Variants in TOR1B observed in about 807,000 individuals in gnomAD.
TOR1B encodes the protein torsin-1B.
TOR1B carries 14 observed loss-of-function variants against 29.2 expected under a neutral mutation model. That is an observed-to-expected ratio of 0.48 (90% confidence interval 0.32 to 0.75). The LOEUF (loss-of-function observed/expected upper bound fraction) is 0.75. TOR1B is among the 30% of genes least tolerant of loss of function. TOR1B has a pLI of 0.04. For synonymous variants in TOR1B, 166 were observed against 179.8 expected, an observed-to-expected ratio of 0.92 and a Z score of 0.62; for missense variants, 400 against 433.9, an observed-to-expected ratio of 0.92 and a Z score of 0.69.
intron 2 of TOR1B, among the ~76,000 whole-genome samples, chr9:129,805,826 C>G (rs1282434814): frequency 1.3e-5 from 2 of 152,188 alleles, no homozygotes; most frequent in Non-Finnish European, 2.9e-5. Context: ...GAGACTGTTT[C>G]TCCTTTTGAG....
At chr9:129,803,578 G>A in intron 1 of TOR1B, among the ~76,000 whole-genome samples, 167 bp downstream of exon 1, 1 of 152,206 alleles carries the variant, frequency 6.6e-6, no homozygotes, top group East Asian at 1.9e-4. Context: ...CCCCGGAACC[G>A]TTCGCGGGAA....
intron 3 of TOR1B, among the ~76,000 whole-genome samples, 181 bp downstream of exon 3, chr9:129,807,544 G>A (rs2030567870): frequency 6.6e-6 from 1 of 152,094 alleles, no homozygotes; most frequent in Admixed American, 6.5e-5. Context: ...TGTGGGTTGT[G>A]GAAATGAACT....
At position 129,803,189 on chromosome 9, in the gene TOR1B, C is replaced by A; in HGVS notation, c.-24C>A. The A allele has an allele frequency of 6.9e-7, 1 of 1,440,818 alleles. No homozygotes were observed. Among genetic ancestry groups the A allele is most frequent in the Non-Finnish European group, 9.1e-7 (1 of 1,102,318 alleles). 89.3% of individuals were successfully genotyped at this position (1,440,818 alleles called of 1,614,324 possible). ...GGCCGCGGGGCGCCTGGCTCAGTGG[C>A]TTCTGCGGGCTTCGAGGAGCGGGAT... is the stretch of plus-strand genomic sequence containing the variant. On this transcript the variant is annotated 5_prime_UTR_variant, in exon 1 of 5. Coordinates refer to ENST00000259339, the MANE Select transcript of TOR1B (RefSeq NM_014506.3).
rs974718185 is a variant in TOR1B at position 129,803,188 on chromosome 9, G to A, written c.-25G>A. On this transcript the variant is annotated 5_prime_UTR_variant, in exon 1 of 5. Transcript: ENST00000259339. ...TGGCCGCGGGGCGCCTGGCTCAGTG[G>A]CTTCTGCGGGCTTCGAGGAGCGGGA... 24 of 1,432,266 alleles carry A rather than the reference G, an allele frequency of 1.7e-5. No individual in the cohort carries two copies. In the African/African-American group the frequency reaches 3.1e-4, roughly 19 times the overall value. 88.7% of individuals were successfully genotyped at this position (1,432,266 alleles called of 1,614,324 possible).
At chr9:129,804,437 C>A in intron 2 of TOR1B, 99 bp downstream of exon 2, 1 of 1,476,046 alleles carries the variant, frequency 6.8e-7, no homozygotes, top group Non-Finnish European at 9.2e-7. Context: ...CTTTGTGTTG[C>A]TGTAGCCCCC....
chr9:129,805,031 G>T (rs1000868352), intron 2 of TOR1B, among the ~76,000 whole-genome samples: 15 of 151,720 alleles, frequency 9.9e-5, no homozygotes, highest in African/African-American at 3.6e-4. Context: ...CCAGCTACTC[G>T]GGAGGCTGAG....
Position 129,810,248 on chromosome 9 carries a change from C to G in TOR1B, c.*665C>G. ...ACAGAGTTCACTGACTTGAAGTATACTCAGTTAAAATCGGGGCTGGAGGTG... is the reference window on the plus strand; with the variant it reads ...ACAGAGTTCACTGACTTGAAGTATAGTCAGTTAAAATCGGGGCTGGAGGTG... On this transcript the variant is annotated 3_prime_UTR_variant, in exon 5 of 5. Coordinates refer to ENST00000259339, the MANE Select transcript of TOR1B (RefSeq NM_014506.3). The G allele has an allele frequency of 7.7e-7, 1 of 1,303,870 alleles. No individual in the cohort carries two copies. Among genetic ancestry groups the G allele is most frequent in the Non-Finnish European group, 1.0e-6 (1 of 988,920 alleles). The allele number at this position is 1,303,870 out of a possible 1,614,324, so 80.8% of individuals were successfully genotyped here. A position where few individuals can be genotyped will look rare whatever the true frequency, so the allele number is the denominator to read the frequency against.
intron 2 of TOR1B, among the ~76,000 whole-genome samples, chr9:129,804,996 G>A (rs1036551999): frequency 6.7e-6 from 1 of 149,434 alleles, no homozygotes; most frequent in African/African-American, 2.5e-5. Flanking sequence ...AAATTAGCCG[G>A]GGATGGTGGC....
At chr9:129,809,129 T>C in intron 4 of TOR1B, 97 bp downstream of exon 4, 1 of 1,528,366 alleles carries the variant, frequency 6.5e-7, no homozygotes, top group South Asian at 1.3e-5. Flanking sequence ...TCCCACTGGA[T>C]TTCCTCACTT....
chr9:129,803,274 TG>T lies in TOR1B; in HGVS notation c.64del (p.Val22TrpfsTer11). ...CTGGCGCTGCTGCTGGCGGCCCGAG[TG>T]GTGGCGGCGTTCGAGCCCATCACCG... is the stretch of plus-strand genomic sequence containing the variant. The part of the protein sequence containing the change: ...AALALLLAAR[V>X]VAAFEPITVG... On this transcript the variant is annotated frameshift_variant, in exon 1 of 5. Coordinates refer to ENST00000259339, the MANE Select transcript of TOR1B (RefSeq NM_014506.3). LOFTEE classifies it high-confidence loss of function. 6.4e-7 allele frequency: 1 copy of T among 1,566,230 alleles called. No individual in the cohort carries two copies. The highest frequency in any genetic ancestry group is 8.6e-7 in the Non-Finnish European group (1 of 1,161,564).
At chr9:129,805,271 A>T (rs1408736246) in intron 2 of TOR1B, among the ~76,000 whole-genome samples, 2 of 152,072 alleles carry the variant, frequency 1.3e-5, no homozygotes, top group African/African-American at 4.8e-5. Flanking sequence ...CCTGACCAAC[A>T]TGGAGAAACC....
At position 129,810,474 on chromosome 9, in the gene TOR1B, G is replaced by T. The variant is rs1208640361; in HGVS notation, c.*891G>T. On this transcript the variant is annotated 3_prime_UTR_variant, in exon 5 of 5. Transcript: ENST00000259339. ...GTGGAATCCTTCACCGTCTCAGCTGGTATCAGCCCCAGCCTGCCTTGTGCC... is the reference window on the plus strand; with the variant it reads ...GTGGAATCCTTCACCGTCTCAGCTGTTATCAGCCCCAGCCTGCCTTGTGCC... The T allele has an allele frequency of 6.1e-6, 7 of 1,150,772 alleles. No individual in the cohort carries two copies. The highest frequency in any genetic ancestry group is 7.7e-6 in the Non-Finnish European group (7 of 912,872). The allele number at this position is 1,150,772 out of a possible 1,614,324, so 71.3% of individuals were successfully genotyped here.
Position 129,809,526 on chromosome 9 carries a change from G to C in TOR1B, c.954G>C (p.Glu318Asp), listed in dbSNP as rs760301340. ...AAATGACGTTTTTCCCCAGAGACGAGAAAATCTACTCAGACAAGGGCTGCA... is the reference window on the plus strand; with the variant it reads ...AAATGACGTTTTTCCCCAGAGACGACAAAATCTACTCAGACAAGGGCTGCA... Reference protein sequence around the residue: ...AEEMTFFPRDEKIYSDKGCKT... With the variant: ...AEEMTFFPRDDKIYSDKGCKT... Residue 318 changes from glutamate to aspartate, a missense_variant, in exon 5 of 5, where the codon GAG (glutamate) becomes GAC (aspartate). By Grantham distance (45) the Glu-to-Asp change is conservative (BLOSUM62 2). Transcript: ENST00000259339. 1 of 1,614,176 alleles carries C rather than the reference G, an allele frequency of 6.2e-7. No homozygotes were observed. The highest frequency in any genetic ancestry group is 1.1e-5 in the South Asian group (1 of 91,082).
chr9:129,809,590 A>G lies in TOR1B; in HGVS notation c.*7A>G, dbSNP rs200753107. The G allele has an allele frequency of 2.4e-3, 3,801 of 1,614,146 alleles. 13 individuals are homozygous for G. Among genetic ancestry groups the G allele is most frequent in the Non-Finnish European group, 2.5e-3 (2,980 of 1,180,006 alleles). On this transcript the variant is annotated 3_prime_UTR_variant, in exon 5 of 5. Coordinates refer to ENST00000259339, the MANE Select transcript of TOR1B (RefSeq NM_014506.3). ...GCGGCTGGATTTCCACTGAGCTCCT[A>G]TCCAGATGGGGTAGGAGACAGCTGG...
At position 129,803,241 on chromosome 9, in the gene TOR1B, C is replaced by T; in HGVS notation, c.29C>T (p.Ala10Val). The T allele has an allele frequency of 1.3e-6, 2 of 1,541,398 alleles. No homozygotes were observed. Among genetic ancestry groups the T allele is most frequent in the Non-Finnish European group, 1.7e-6 (2 of 1,151,130 alleles). The change falls in exon 1 of 5, where the codon GCG becomes GTG. Residue 10 changes from alanine to valine, a missense_variant. Coordinates refer to ENST00000259339, the MANE Select transcript of TOR1B (RefSeq NM_014506.3). ...TTGCGGGCTGGGTGGCTCCGGGGCG[C>T]GGCGGCGCTGGCGCTGCTGCTGGCG... is the stretch of plus-strand genomic sequence containing the variant. The part of the protein sequence containing the change: MLRAGWLRG[A>V]AALALLLAAR...
chr9:129,803,469 C>T, intron 1 of TOR1B, 58 bp downstream of exon 1: 1 of 1,245,164 alleles, frequency 8.0e-7, no homozygotes, highest in South Asian at 2.9e-5. Context: ...GGCGCGGGGG[C>T]GCGGAGGGAC....
intron 4 of TOR1B, 81 bp from the exon 5 acceptor site, chr9:129,809,261 G>A (rs1351424490): frequency 6.3e-7 from 1 of 1,597,662 alleles, no homozygotes; most frequent in African/African-American, 1.3e-5. Flanking sequence ...GTACGGACAT[G>A]AGGAATGTGC....
chr9:129,803,441 C>T, intron 1 of TOR1B, 30 bp downstream of exon 1: 1 of 1,330,144 alleles, frequency 7.5e-7, no homozygotes, highest in Non-Finnish European at 9.6e-7. Context: ...TGTGGGTCGG[C>T]GCTGCGGGGG....
intron 1 of TOR1B, among the ~76,000 whole-genome samples, chr9:129,803,673 A>G (rs1206069368): frequency 3.3e-5 from 5 of 152,236 alleles, no homozygotes; most frequent in East Asian, 1.9e-4. Context: ...TTGGGATCAC[A>G]GGTGGAAGAA....
Sources: gnomAD v4.1 joint callset for allele counts (sites outside exome capture counted in the v4.1 genomes callset) on GRCh38, gnomAD v4.1.1 for gene constraint, MANE v1.5 for transcripts, NCBI Gene and HGNC (gene_info 2026-07-23, HGNC 2026-07-21) for gene names.